EPG5: variants seen among roughly 807,000 people sequenced by gnomAD.
EPG5 encodes the protein ectopic P-granules 5 autophagy tethering factor.
Under a neutral mutation model 302.7 loss-of-function variants are expected in EPG5, and 159 were observed. That is an observed-to-expected ratio of 0.53 (90% confidence interval 0.46 to 0.60). The LOEUF is 0.60. Among genes scored for constraint, EPG5 ranks in the 20% least tolerant of loss-of-function variants. The pLI, the probability that EPG5 is intolerant of heterozygous loss-of-function variation, is 0.00. For missense variants in EPG5, 2,896 were observed against 3,092.4 expected (o/e 0.94, Z 1.51); for synonymous variants, 1,158 against 1,136.8 (o/e 1.02, Z -0.37).
chr18:45,813,084 C>T, the EPG5 span, among the ~76,000 whole-genome samples: 181 of 151,722 alleles, frequency 1.2e-3, no homozygotes, highest in African/African-American at 4.2e-3. Context: ...AAAAAAACAA[C>T]CCCATCAAAA....
At chr18:45,837,970 G>A in the EPG5 span, 1 of 1,400,734 alleles carries the variant, frequency 7.1e-7, no homozygotes, top group Non-Finnish European at 9.2e-7. Context: ...GGGCTACGTG[G>A]GTGCCAGGCG....
intron 3 of EPG5, among the ~76,000 whole-genome samples, chr18:45,952,171 A>T (rs1438634858): frequency 6.6e-6 from 1 of 152,230 alleles, no homozygotes; most frequent in Non-Finnish European, 1.5e-5. Context: ...GCTTTTTGGC[A>T]TCCTAGAGAA....
chr18:45,934,877 A>G lies in EPG5; in HGVS notation c.2189T>C (p.Val730Ala), dbSNP rs549760994. Reference protein sequence around the residue: ...LWKLFYLMHQVESENLQQLSS... With the variant: ...LWKLFYLMHQAESENLQQLSS... ...GAGCTGCTGCAGGTTCTCGCTCTCC[A>G]CCTGGTGCATGAGGTAGAAGAGCTT... Residue 730 changes from valine (V) to alanine (A), a missense_variant, in exon 11 of 44, where the codon GTG becomes GCG. Physicochemically the swap from Val to Ala is moderately conservative, Grantham distance 64. Coordinates refer to ENST00000282041, the MANE Select transcript of EPG5 (RefSeq NM_020964.3). 119 of 1,614,178 alleles carry G rather than the reference A, an allele frequency of 7.4e-5. 1 individual carries two copies. In the African/African-American group the frequency reaches 1.1e-3, roughly 15 times the overall value.
the EPG5 span, among the ~76,000 whole-genome samples, chr18:45,816,700 C>G: frequency 1.3e-5 from 2 of 152,174 alleles, no homozygotes; most frequent in African/African-American, 4.8e-5. Flanking sequence ...CTACGGAAAA[C>G]AGTGTGGTGA....
intron 23 of EPG5, 64 bp from the exon 24 acceptor site, chr18:45,908,145 C>T (rs2049803855): frequency 1.5e-6 from 2 of 1,320,406 alleles, no homozygotes; most frequent in African/African-American, 1.5e-5. Flanking sequence ...AAGCTTCTTA[C>T]ATCTCTAGGA....
At chr18:45,902,498 A>C (rs1285981755) in intron 25 of EPG5, among the ~76,000 whole-genome samples, 1 of 152,230 alleles carries the variant, frequency 6.6e-6, no homozygotes, top group Non-Finnish European at 1.5e-5. Flanking sequence ...CAAACAAACA[A>C]AAAATCTAAA....
At chr18:45,840,138 G>A in the EPG5 span, 1 of 1,547,744 alleles carries the variant, frequency 6.5e-7, no homozygotes. Context: ...CACATGGCAT[G>A]GGTGGGGGTG....
rs954756857 is a variant in EPG5, at chr18:45,879,179, A to G, written c.5703T>C (p.Phe1901=). 1 of 1,613,748 alleles carries G rather than the reference A, an allele frequency of 6.2e-7. No individual in the cohort carries two copies. Among genetic ancestry groups the G allele is most frequent in the African/African-American group, 1.3e-5 (1 of 74,974 alleles). Reference sequence around the variant, plus strand: ...CCATCTTGGATAACCGAAGCTTATAAAAAAAGTCTGAAAGCCACTGTATAG... The same window carrying G: ...CCATCTTGGATAACCGAAGCTTATAGAAAAAGTCTGAAAGCCACTGTATAG... ...METIQWLSDF[F]YKLRLSKMDF... is the part of the protein sequence containing the mutation. The change falls in exon 33 of 44, where the codon TTT becomes TTC. Residue 1901 remains phenylalanine (F), a synonymous_variant. Coordinates refer to ENST00000282041, the MANE Select transcript of EPG5 (RefSeq NM_020964.3).
chr18:45,907,449 A>G (rs1331856067), intron 24 of EPG5, among the ~76,000 whole-genome samples: 2 of 152,194 alleles, frequency 1.3e-5, no homozygotes, highest in Non-Finnish European at 2.9e-5. Flanking sequence ...AGCTTAGGAC[A>G]TACGAAGACT....
intron 2 of EPG5, 140 bp downstream of exon 2, chr18:45,954,254 T>A (rs2050974193): frequency 2.6e-6 from 2 of 778,740 alleles, no homozygotes; most frequent in Non-Finnish European, 4.0e-6. Context: ...CCTGCAGGCA[T>A]TTGACTTTGT....
intron 27 of EPG5, among the ~76,000 whole-genome samples, chr18:45,896,845 C>G (rs1396335640): frequency 6.6e-6 from 1 of 152,324 alleles, no homozygotes; most frequent in African/African-American, 2.4e-5. Flanking sequence ...CCACGCTCAG[C>G]CCAACTTTTC....
At chr18:45,825,591 C>T in the EPG5 span, 2 of 811,010 alleles carry the variant, frequency 2.5e-6, no homozygotes, top group Non-Finnish European at 4.0e-6. Flanking sequence ...CCGGCTCCCG[C>T]AGAGCCCACA....
chr18:45,845,810 G>C (rs1448928501), downstream of EPG5, among the ~76,000 whole-genome samples: 2 of 152,222 alleles, frequency 1.3e-5, no homozygotes, highest in African/African-American at 4.8e-5. Context: ...AGACAGCAGT[G>C]AGAGGAAGTG....
the EPG5 span, among the ~76,000 whole-genome samples, chr18:45,826,966 G>A: frequency 0.49 from 74,337 of 151,990 alleles, 18,287 homozygotes; most frequent in East Asian, 0.53. Context: ...CCAGGCTGGA[G>A]TGCAGTGGCG....
intron 14 of EPG5, among the ~76,000 whole-genome samples, chr18:45,924,456 T>G (rs62095410): frequency 6.6e-6 from 1 of 152,114 alleles, no homozygotes; most frequent in African/African-American, 2.4e-5. Flanking sequence ...AGTTTCCTCA[T>G]CTGCACAACA....
At chr18:45,887,318 G>C (rs2049239828) in intron 29 of EPG5, among the ~76,000 whole-genome samples, 1 of 152,176 alleles carries the variant, frequency 6.6e-6, no homozygotes, top group African/African-American at 2.4e-5. Context: ...CTGGGATCCA[G>C]TCTCAGCTCC....
At chr18:45,899,798 T>C (rs1048783813) in intron 26 of EPG5, among the ~76,000 whole-genome samples, 1 of 152,262 alleles carries the variant, frequency 6.6e-6, no homozygotes. Flanking sequence ...TGAGACAACT[T>C]GATAGCCACA....
At chr18:45,873,919 G>T (rs1402817207) in intron 35 of EPG5, among the ~76,000 whole-genome samples, 1 of 152,196 alleles carries the variant, frequency 6.6e-6, no homozygotes, top group Non-Finnish European at 1.5e-5. Flanking sequence ...AGTGAAAGAA[G>T]TTAATCTGAA....
intron 25 of EPG5, among the ~76,000 whole-genome samples, chr18:45,903,606 T>C (rs1007204396): frequency 6.6e-6 from 1 of 152,216 alleles, no homozygotes; most frequent in African/African-American, 2.4e-5. Context: ...ATAGGTTAAA[T>C]GGGCTTTTGT....
Sources: allele counts gnomAD v4.1 joint callset (sites outside exome capture counted in the v4.1 genomes callset), GRCh38; gene constraint gnomAD v4.1.1; transcripts MANE v1.5; gene names NCBI Gene and HGNC (gene_info 2026-07-23, HGNC 2026-07-21).